TRIM69: variants seen among roughly 807,000 people sequenced by gnomAD.
The protein encoded by TRIM69 is E3 ubiquitin-protein ligase TRIM69.
In TRIM69, 29 loss-of-function variants were observed where a neutral mutation model predicts 37.7. That is an observed-to-expected ratio of 0.77 (90% CI 0.57 to 1.05). TRIM69 has a LOEUF of 1.05. Among genes scored for constraint, TRIM69 ranks in the 50% least tolerant of loss-of-function variants. The pLI is 0.00. For synonymous variants in TRIM69, 209 were observed against 212.4 expected (o/e 0.98, Z 0.14); for missense variants, 596 against 579.9 (o/e 1.03, Z -0.28).
chr15:44,754,857 G>A (rs1275412380), intron 1 of TRIM69, 43 bp from the exon 2 acceptor site: 1 of 1,450,252 alleles, frequency 6.9e-7, no homozygotes, highest in South Asian at 1.3e-5. Flanking sequence ...GTTAAAATGG[G>A]CAACAAGAAA....
intron 1 of TRIM69, among the ~76,000 whole-genome samples, chr15:44,750,171 G>C (rs964518768): frequency 6.6e-6 from 1 of 152,172 alleles, no homozygotes; most frequent in Admixed American, 6.5e-5. Context: ...CATTCTGTGA[G>C]TTGTCTTTTC....
intron 1 of TRIM69, 109 bp downstream of exon 1, chr15:44,736,819 G>A: frequency 7.5e-7 from 1 of 1,334,590 alleles, no homozygotes; most frequent in African/African-American, 1.5e-5. Context: ...AATTCATGAA[G>A]GGAAGTATTT....
At chr15:44,744,079 G>A (rs1040531436) in intron 1 of TRIM69, among the ~76,000 whole-genome samples, 3 of 151,828 alleles carry the variant, frequency 2.0e-5, no homozygotes, top group Non-Finnish European at 1.5e-5. Context: ...ATGATAGACT[G>A]GATTACGAAA....
chr15:44,754,835 T>A, intron 1 of TRIM69, 65 bp from the exon 2 acceptor site: 1 of 1,219,694 alleles, frequency 8.2e-7, no homozygotes, highest in Non-Finnish European at 1.2e-6. Context: ...AATGGCGCCA[T>A]CATCCTGGAG....
At chr15:44,754,571 G>T (rs1430756791) in intron 1 of TRIM69, 1 of 248,436 alleles carries the variant, frequency 4.0e-6, no homozygotes, top group Non-Finnish European at 7.6e-6. Context: ...TAAAATAAAG[G>T]TAATAACTAG....
chr15:44,759,868 C>G lies in TRIM69; in HGVS notation c.957C>G (p.Cys319Trp), dbSNP rs1000140840. 1.9e-5 allele frequency: 30 copies of G among 1,610,528 alleles called. No individual in the cohort carries two copies. Among genetic ancestry groups the G allele is most frequent in the Non-Finnish European group, 2.4e-5 (28 of 1,177,162 alleles). The change falls in exon 6 of 7, where the codon TGC becomes TGG. Residue 319 changes from cysteine (C) to tryptophan (W), a missense_variant. Coordinates refer to ENST00000329464, the MANE Select transcript of TRIM69 (RefSeq NM_182985.5). ...GGAGGGAAATGCAGGACACTCTCTG[C>G]CCAGGTATCAGTGGGTAGTAACTAT... The part of the protein sequence containing the change: ...MVWREMQDTL[C>W]PGLSPLTLDP...
At chr15:44,739,509 T>C (rs1355733874) in intron 1 of TRIM69, among the ~76,000 whole-genome samples, 1 of 152,130 alleles carries the variant, frequency 6.6e-6, no homozygotes, top group Non-Finnish European at 1.5e-5. Flanking sequence ...ACCTGGAAAA[T>C]TGGGTCACTC....
At chr15:44,763,786 G>A (rs1338047915) in intron 6 of TRIM69, among the ~76,000 whole-genome samples, 1 of 152,154 alleles carries the variant, frequency 6.6e-6, no homozygotes, top group Non-Finnish European at 1.5e-5. Context: ...ACATCATTTT[G>A]TTCCTTCTGA....
intron 1 of TRIM69, among the ~76,000 whole-genome samples, chr15:44,750,879 C>T (rs2087509537): frequency 6.7e-6 from 1 of 149,702 alleles, no homozygotes; most frequent in Admixed American, 6.6e-5. Context: ...CGCCTGCCAC[C>T]ACGCCTGGCT....
At chr15:44,738,085 G>A (rs1159998211) in intron 1 of TRIM69, among the ~76,000 whole-genome samples, 2 of 135,762 alleles carry the variant, frequency 1.5e-5, no homozygotes, top group East Asian at 4.2e-4. Context: ...TTAGGACAGA[G>A]TCTCACTCTC....
chr15:44,750,715 C>T lies in TRIM69; in HGVS notation c.7-4185C>T, dbSNP rs28851534. On this transcript the variant is annotated intron_variant, in intron 1 of 6. Coordinates refer to ENST00000329464, the MANE Select transcript of TRIM69 (RefSeq NM_182985.5). ...TCGCATTTTTATTTCATTACTTTTT[C>T]TTTTTTTTTTTTTTTTTTTTTTTTT... Among the ~76,000 whole-genome samples, 145 of 102,770 alleles carry T rather than the reference C, an allele frequency of 1.4e-3. 40 individuals are homozygous for T. The highest frequency in any genetic ancestry group is 4.6e-3 in the African/African-American group (118 of 25,868). 67.4% of individuals were successfully genotyped at this position (102,770 alleles called of 152,430 possible).
At chr15:44,742,053 A>C (rs2087299816) in intron 1 of TRIM69, among the ~76,000 whole-genome samples, 1 of 152,136 alleles carries the variant, frequency 6.6e-6, no homozygotes, top group African/African-American at 2.4e-5. Flanking sequence ...ATGAACATTG[A>C]TGCAAAAATC....
chr15:44,764,087 G>A (rs1000154457), intron 6 of TRIM69, among the ~76,000 whole-genome samples: 3 of 152,274 alleles, frequency 2.0e-5, no homozygotes, highest in Non-Finnish European at 2.9e-5. Context: ...TCCCTTTGTA[G>A]ATGTTTGTAA....
chr15:44,767,163 T>C, intron 6 of TRIM69, 68 bp from the exon 7 acceptor site: 1 of 1,348,072 alleles, frequency 7.4e-7, no homozygotes, highest in East Asian at 2.4e-5. Context: ...AAATACTATC[T>C]TTTACTGTGG....
intron 1 of TRIM69, among the ~76,000 whole-genome samples, chr15:44,740,761 G>A (rs1268447197): frequency 2.6e-5 from 4 of 151,416 alleles, no homozygotes; most frequent in African/African-American, 9.7e-5. Context: ...AACAAGAAGA[G>A]CTAACTATCC....
At chr15:44,743,585 C>G (rs964979229) in intron 1 of TRIM69, among the ~76,000 whole-genome samples, 10 of 152,112 alleles carry the variant, frequency 6.6e-5, no homozygotes, top group African/African-American at 2.4e-4. Flanking sequence ...GGCTAATATC[C>G]AGAATCTACA....
At chr15:44,743,125 C>T (rs919680300) in intron 1 of TRIM69, among the ~76,000 whole-genome samples, 1 of 152,130 alleles carries the variant, frequency 6.6e-6, no homozygotes, top group Non-Finnish European at 1.5e-5. Flanking sequence ...AGATAGAGAT[C>T]AATGGAACAG....
intron 1 of TRIM69, among the ~76,000 whole-genome samples, chr15:44,750,364 C>T (rs1596023265): frequency 6.6e-6 from 1 of 151,992 alleles, no homozygotes; most frequent in Admixed American, 6.5e-5. Context: ...CCAGTGAAAC[C>T]GTCTGGTCCT....
chr15:44,764,329 A>G (rs1229820108), intron 6 of TRIM69, among the ~76,000 whole-genome samples: 2 of 152,214 alleles, frequency 1.3e-5, no homozygotes, highest in African/African-American at 4.8e-5. Context: ...ATTTATCCAT[A>G]TACTCTCCCT....
Sources: allele counts gnomAD v4.1 joint callset (sites outside exome capture counted in the v4.1 genomes callset), GRCh38; gene constraint gnomAD v4.1.1; transcripts MANE v1.5; gene names NCBI Gene and HGNC (gene_info 2026-07-23, HGNC 2026-07-21).